Variants in PLXNB1 observed in about 807,000 individuals in gnomAD.
PLXNB1 encodes plexin-B1.
Under a neutral mutation model 209.4 loss-of-function variants are expected in PLXNB1, and 106 were observed. The ratio of observed to expected loss-of-function variants is 0.51; its 90% confidence interval spans 0.43 to 0.59. PLXNB1 has a LOEUF of 0.59. Ranked by LOEUF, PLXNB1 falls within the 20% of genes least tolerant of loss-of-function variation. The pLI is 0.00. For synonymous variants in PLXNB1, 1,167 were observed against 1,183.2 expected (o/e 0.99, Z 0.28); for missense variants, 2,357 against 2,853.2 (o/e 0.83, Z 3.96).
chr3:48,418,596 G>A lies in PLXNB1; in HGVS notation c.2956-54C>T. On this transcript the variant is annotated intron_variant, in intron 13 of 37. Transcript: ENST00000296440. The surrounding 1 kb of genome is among the most constrained non-coding windows in gnomAD (Gnocchi z 6.6). Reference sequence around the variant, plus strand: ...AAGCACTGGGGGAAGTGTCAGGCCTGGGGAGGGGTTAGTCAGAGAAAGGAC... The same window carrying A: ...AAGCACTGGGGGAAGTGTCAGGCCTAGGGAGGGGTTAGTCAGAGAAAGGAC... The A allele has an allele frequency of 6.9e-7, 1 of 1,454,318 alleles. No individual in the cohort carries two copies. The highest frequency in any genetic ancestry group is 9.5e-7 in the Non-Finnish European group (1 of 1,057,488). The allele number at this position is 1,454,318 out of a possible 1,614,324, so 90.1% of individuals were successfully genotyped here. A position where few individuals can be genotyped will look rare whatever the true frequency, so the allele number is the denominator to read the frequency against.
rs758895777 is a variant in PLXNB1, at chr3:48,414,831, G to A, written c.4177C>T (p.Arg1393Trp). ...GAGAACACACTCCCAGGCTTGTGCC[G>A]GAATGGCATGGTGGGGTCCTCAGGG... ...LNPEDPTMPF[R>W]HKPGSVFSVE... The change falls in exon 21 of 38, where the codon CGG becomes TGG. Residue 1393 changes from arginine (R) to tryptophan (W), a missense_variant. Around this residue, in one of 7 missense-constraint regions of PLXNB1, gnomAD observed 743 missense variants for 896.2 expected, o/e 0.83. Transcript: ENST00000296440. 44 of 1,613,948 alleles carry A rather than the reference G, an allele frequency of 2.7e-5. No homozygotes were observed. The highest frequency in any genetic ancestry group is 3.5e-5 in the Non-Finnish European group (41 of 1,180,030).
rs564829876 is a variant in PLXNB1, at chr3:48,422,753, C to T, written c.1290+12G>A. 55 of 1,611,492 alleles carry T rather than the reference C, an allele frequency of 3.4e-5. No homozygotes were observed. In the South Asian group the frequency reaches 5.3e-4, roughly 16 times the overall value. The stretch of plus-strand genomic sequence containing the variant: ...ACTCTGGGGCAGGGGCCAGTACTTC[C>T]TGTGGGCTCACCCTGTGCAGCTGCC... On this transcript the variant is annotated intron_variant, in intron 4 of 37. Transcript: ENST00000296440.
At position 48,419,807 on chromosome 3, in the gene PLXNB1, T is replaced by C. The variant is rs992561752; in HGVS notation, c.2479A>G (p.Thr827Ala). ...DLPPATVPAT[T>A]FPGAMGSVKP... ...ACGGAGCCCATGGCCCCTGGGAAAG[T>C]GGTGGCAGGAACAGTGGCAGGGGGC... The change falls in exon 11 of 38, where the codon ACT becomes GCT. Residue 827 changes from threonine to alanine, a missense_variant. Physicochemically the swap from Thr to Ala is moderately conservative, Grantham distance 58 (BLOSUM62 0). Transcript: ENST00000296440. This position sits in a 1 kb window ranked among gnomAD's most constrained non-coding sequence, Gnocchi z 5.7. 8.2e-6 allele frequency: 13 copies of C among 1,591,270 alleles called. No individual in the cohort carries two copies. The highest frequency in any genetic ancestry group is 1.1e-5 in the Non-Finnish European group (13 of 1,167,974).
In PLXNB1 at chr3:48,416,792, T is replaced by C. The variant is rs1467456483; in HGVS notation, c.3375-341A>G. 4.7e-6 allele frequency: 1 copy of C among 213,678 alleles called. No homozygotes were observed. The highest frequency in any genetic ancestry group is 9.2e-6 in the Non-Finnish European group (1 of 108,964). The allele number at this position is 213,678 out of a possible 1,614,324, so 13.2% of individuals were successfully genotyped here. A position where few individuals can be genotyped will look rare whatever the true frequency, so the allele number is the denominator to read the frequency against. On this transcript the variant is annotated intron_variant, in intron 16 of 37. Coordinates refer to ENST00000296440, the MANE Select transcript of PLXNB1 (RefSeq NM_001130082.3). The surrounding 1 kb of genome is among the most constrained non-coding windows in gnomAD (Gnocchi z 4.1). ...GTGAGTGGGCACAGCTAGCCGCCCATGTCCTCCGCCACGTCACATGCACAG... is the reference window on the plus strand; with the variant it reads ...GTGAGTGGGCACAGCTAGCCGCCCACGTCCTCCGCCACGTCACATGCACAG...
At position 48,405,330 on chromosome 3, in the gene PLXNB1, C is replaced by T. The variant is rs1424405697; in HGVS notation, c.6303+394G>A. On this transcript the variant is annotated intron_variant, in intron 37 of 37. Transcript: ENST00000296440. The surrounding 1 kb of genome is among the most constrained non-coding windows in gnomAD (Gnocchi z 5.0). Reference sequence around the variant, plus strand: ...TCACCAGCTCCAGTGTACCCTCACACCCCTGGCCCTGTGCCTGGACTCTCC... The same window carrying T: ...TCACCAGCTCCAGTGTACCCTCACATCCCTGGCCCTGTGCCTGGACTCTCC... Among the ~76,000 whole-genome samples, 1 of 152,232 alleles carries T rather than the reference C, an allele frequency of 6.6e-6. No individual in the cohort carries two copies.
At position 48,409,713 on chromosome 3, in the gene PLXNB1, C is replaced by T; in HGVS notation, c.5797G>A (p.Val1933Met). 1 of 1,613,658 alleles carries T rather than the reference C, an allele frequency of 6.2e-7. No individual in the cohort carries two copies. Among genetic ancestry groups the T allele is most frequent in the Non-Finnish European group, 8.5e-7 (1 of 1,179,950 alleles). Reference protein sequence around the residue: ...LSMKGTLQKFVDDLFQVILST... With the variant: ...LSMKGTLQKFMDDLFQVILST... ...AGAATCACCTGGAACAGGTCATCCA[C>T]GAACTTCTGCAGGGTGCCCTGTGGG... The change falls in exon 33 of 38, where the codon GTG (valine) becomes ATG (methionine). Residue 1933 changes from valine (V) to methionine (M), a missense_variant. Val to Met is a conservative substitution (Grantham distance 21). This residue lies in a region of PLXNB1 where 414 missense variants were observed against 520.5 expected (regional missense o/e 0.80). Transcript: ENST00000296440. The surrounding 1 kb of genome is among the most constrained non-coding windows in gnomAD (Gnocchi z 5.8).
rs2037491604 is a variant in PLXNB1 at position 48,409,200 on chromosome 3, C to T, written c.6087+129G>A. 1.8e-6 allele frequency: 2 copies of T among 1,096,938 alleles called. No homozygotes were observed. Among genetic ancestry groups the T allele is most frequent in the South Asian group, 3.2e-5 (2 of 62,226 alleles). The allele number at this position is 1,096,938 out of a possible 1,614,324, so 68.0% of individuals were successfully genotyped here. A position where few individuals can be genotyped will look rare whatever the true frequency, so the allele number is the denominator to read the frequency against. On this transcript the variant is annotated intron_variant, in intron 34 of 37. Transcript: ENST00000296440. This position sits in a 1 kb window ranked among gnomAD's most constrained non-coding sequence, Gnocchi z 5.8. ...AACTGAGGTGGCCCCGGGATGAAGCCTTGGCTTGGGAGGTCAGAGGTCTCC... is the reference window on the plus strand; with the variant it reads ...AACTGAGGTGGCCCCGGGATGAAGCTTTGGCTTGGGAGGTCAGAGGTCTCC...
chr3:48,409,323 G>A lies in PLXNB1; in HGVS notation c.6087+6C>T, dbSNP rs748679351. The A allele has an allele frequency of 9.3e-6, 15 of 1,613,746 alleles. No homozygotes were observed. The highest frequency in any genetic ancestry group is 8.9e-5 in the East Asian group (4 of 44,870). On this transcript the variant is annotated splice_donor_region_variant and intron_variant, in intron 34 of 37. Coordinates refer to ENST00000296440, the MANE Select transcript of PLXNB1 (RefSeq NM_001130082.3). This position sits in a 1 kb window ranked among gnomAD's most constrained non-coding sequence, Gnocchi z 5.8. Reference sequence around the variant, plus strand: ...ATCCCCCCGTGTCCATCCCAGACTCGCTCACCCGGCCCAGCTTGTGGTCGG... The same window carrying A: ...ATCCCCCCGTGTCCATCCCAGACTCACTCACCCGGCCCAGCTTGTGGTCGG...
rs1374069761 is a variant in PLXNB1, at chr3:48,406,498, A to C, written c.6228+325T>G. 1 of 832,442 alleles carries C rather than the reference A, an allele frequency of 1.2e-6. No individual in the cohort carries two copies. Among genetic ancestry groups the C allele is most frequent in the African/African-American group, 1.8e-5 (1 of 54,158 alleles). 51.6% of individuals were successfully genotyped at this position (832,442 alleles called of 1,614,324 possible). A position where few individuals can be genotyped will look rare whatever the true frequency, so the allele number is the denominator to read the frequency against. On this transcript the variant is annotated intron_variant, in intron 36 of 37. Transcript: ENST00000296440. The surrounding 1 kb of genome is among the most constrained non-coding windows in gnomAD (Gnocchi z 4.4). The stretch of plus-strand genomic sequence containing the variant: ...AGGTGAAGGGGACACCTGTGCCACC[A>C]AGGGAAGCACAGCAGTGGGAAGACG...
At chr3:48,407,735 G>T (rs1048887795) in intron 34 of PLXNB1, among the ~76,000 whole-genome samples, 3 of 152,214 alleles carry the variant, frequency 2.0e-5, no homozygotes, top group African/African-American at 7.2e-5. Flanking sequence ...CAGGATTCGC[G>T]CCTTCTTGAC....
chr3:48,406,973 C>T lies in PLXNB1; in HGVS notation c.6152+54G>A, dbSNP rs192546829. On this transcript the variant is annotated intron_variant, in intron 35 of 37. Transcript: ENST00000296440. This position sits in a 1 kb window ranked among gnomAD's most constrained non-coding sequence, Gnocchi z 4.4. Reference sequence around the variant, plus strand: ...CCTGCTCCCAACCAGAGCCCACCCCCCAAGCCTCAGCTGCACACGCCCTCC... The same window carrying T: ...CCTGCTCCCAACCAGAGCCCACCCCTCAAGCCTCAGCTGCACACGCCCTCC... 2 of 1,609,762 alleles carry T rather than the reference C, an allele frequency of 1.2e-6. No individual in the cohort carries two copies. The highest frequency in any genetic ancestry group is 1.1e-5 in the South Asian group (1 of 90,974).
In PLXNB1 at chr3:48,417,800, G is replaced by A. The variant is rs1222466355; in HGVS notation, c.3374+111C>T. ...CTCGGGCATTGTGGCCAGGATCAAG[G>A]AACAGGGAGAGAGGGGGGCAGATGA... On this transcript the variant is annotated intron_variant, in intron 16 of 37. Transcript: ENST00000296440. This position sits in a 1 kb window ranked among gnomAD's most constrained non-coding sequence, Gnocchi z 4.4. The A allele has an allele frequency of 8.3e-7, 1 of 1,212,052 alleles. No homozygotes were observed. Among genetic ancestry groups the A allele is most frequent in the Non-Finnish European group, 1.2e-6 (1 of 857,400 alleles). 75.1% of individuals were successfully genotyped at this position (1,212,052 alleles called of 1,614,324 possible). A position where few individuals can be genotyped will look rare whatever the true frequency, so the allele number is the denominator to read the frequency against.
At position 48,418,381 on chromosome 3, in the gene PLXNB1, A is replaced by G; in HGVS notation, c.3050-18T>C. On this transcript the variant is annotated intron_variant, in intron 14 of 37. Coordinates refer to ENST00000296440, the MANE Select transcript of PLXNB1 (RefSeq NM_001130082.3). This position sits in a 1 kb window ranked among gnomAD's most constrained non-coding sequence, Gnocchi z 6.6. Reference sequence around the variant, plus strand: ...CAGTACCACTGGGGGTGGCAGAGACACACGTGAGAGGCAGGCCTGGGAGAG... The same window carrying G: ...CAGTACCACTGGGGGTGGCAGAGACGCACGTGAGAGGCAGGCCTGGGAGAG... 1.2e-6 allele frequency: 2 copies of G among 1,613,612 alleles called. No individual in the cohort carries two copies. Among genetic ancestry groups the G allele is most frequent in the Non-Finnish European group, 1.7e-6 (2 of 1,180,002 alleles).
Position 48,424,085 on chromosome 3 carries a change from C to G in PLXNB1, c.527G>C (p.Gly176Ala), listed in dbSNP as rs1234236254. The G allele has an allele frequency of 6.4e-7, 1 of 1,566,478 alleles. No individual in the cohort carries two copies. The highest frequency in any genetic ancestry group is 8.7e-7 in the Non-Finnish European group (1 of 1,155,322). ...GATGGGTGGAATGCCACCCCCCACA[C>G]CCCTGCTGGTGTATCCTCGCCCCAC... ...LFVGRGYTSR[G>A]VGGGIPPITT... Residue 176 changes from glycine (G) to alanine (A), a missense_variant, in exon 3 of 38, where the codon GGT becomes GCT. Transcript: ENST00000296440.
chr3:48,425,805 AACACACACAC>A (rs1166591503), intron 1 of PLXNB1, among the ~76,000 whole-genome samples: 4 of 145,382 alleles, frequency 2.8e-5, no homozygotes, highest in African/African-American at 7.7e-5. Flanking sequence ...ATATGCCTAC[AACACACACAC>A]ACACACACAC....
chr3:48,416,103 A>G lies in PLXNB1; in HGVS notation c.3545T>C (p.Leu1182Pro), dbSNP rs2038077295. 1 of 1,599,930 alleles carries G rather than the reference A, an allele frequency of 6.3e-7. No individual in the cohort carries two copies. The highest frequency in any genetic ancestry group is 8.5e-7 in the Non-Finnish European group (1 of 1,173,498). The change falls in exon 18 of 38, where the codon CTG becomes CCG. Residue 1182 changes from leucine to proline, a missense_variant. By Grantham distance (98) the Leu-to-Pro change is moderately conservative. Transcript: ENST00000296440. The surrounding 1 kb of genome is among the most constrained non-coding windows in gnomAD (Gnocchi z 4.1). The stretch of plus-strand genomic sequence containing the variant: ...CCCAGTCAGGAGCTTGGAGCCATTC[A>G]GGGTGAGACGGGTGCCCCCAGCTCT... ...GPRAGGTRLT[L>P]NGSKLLTGRL...
In PLXNB1 at chr3:48,409,300, C is replaced by CA; in HGVS notation, c.6087+28_6087+29insT. ...CACAGCACTGTCCACCCTCACCCAT[C>CA]CCCCCGTGTCCATCCCAGACTCGCT... is the stretch of plus-strand genomic sequence containing the variant. On this transcript the variant is annotated intron_variant, in intron 34 of 37. Transcript: ENST00000296440. The surrounding 1 kb of genome is among the most constrained non-coding windows in gnomAD (Gnocchi z 5.8). 1.3e-6 allele frequency: 2 copies of CA among 1,484,146 alleles called. No individual in the cohort carries two copies. The highest frequency in any genetic ancestry group is 1.8e-6 in the Non-Finnish European group (2 of 1,124,328). The allele number at this position is 1,484,146 out of a possible 1,614,324, so 91.9% of individuals were successfully genotyped here.
chr3:48,415,996 G>C lies in PLXNB1; in HGVS notation c.3617+35C>G. 2 of 1,588,966 alleles carry C rather than the reference G, an allele frequency of 1.3e-6. No individual in the cohort carries two copies. The highest frequency in any genetic ancestry group is 1.7e-6 in the Non-Finnish European group (2 of 1,166,092). On this transcript the variant is annotated intron_variant, in intron 18 of 37. Transcript: ENST00000296440. This position sits in a 1 kb window ranked among gnomAD's most constrained non-coding sequence, Gnocchi z 5.0. ...ACCCCTCCATCTTTCCCCTGGAGCA[G>C]ATGGATTTTTGCAGGATGAGGAAGT...
Position 48,409,185 on chromosome 3 carries a change from GC to G in PLXNB1, c.6087+143del, listed in dbSNP as rs1417063752. On this transcript the variant is annotated intron_variant, in intron 34 of 37. Coordinates refer to ENST00000296440, the MANE Select transcript of PLXNB1 (RefSeq NM_001130082.3). This position sits in a 1 kb window ranked among gnomAD's most constrained non-coding sequence, Gnocchi z 5.8. ...TTGCTCATCCCTTAAAACTGAGGTG[GC>G]CCCGGGATGAAGCCTTGGCTTGGGA... 1.8e-5 allele frequency: 16 copies of G among 880,330 alleles called. No homozygotes were observed. Among genetic ancestry groups the G allele is most frequent in the Non-Finnish European group, 2.6e-5 (15 of 579,900 alleles). The allele number at this position is 880,330 out of a possible 1,614,324, so 54.5% of individuals were successfully genotyped here.
Sources: allele counts gnomAD v4.1 joint callset (sites outside exome capture counted in the v4.1 genomes callset), GRCh38; gene constraint gnomAD v4.1.1; regional missense constraint gnomAD v4.1.1; non-coding constraint Gnocchi (gnomAD v3.1); transcripts MANE v1.5; gene names NCBI Gene and HGNC (gene_info 2026-07-23, HGNC 2026-07-21).